Variants in BMPR2 observed in about 807,000 individuals in gnomAD.
BMPR2 encodes the protein bone morphogenetic protein receptor type-2.
A neutral mutation model predicts 100.8 loss-of-function variants in BMPR2; 29 were observed. That is an observed-to-expected ratio of 0.29 (90% CI 0.21 to 0.39). The LOEUF (loss-of-function observed/expected upper bound fraction) is 0.39, where lower values mean the gene tolerates loss of function less well. BMPR2 is among the 10% of genes least tolerant of loss of function. The pLI is 1.00. For synonymous variants in BMPR2, 382 were observed against 442.3 expected, an observed-to-expected ratio of 0.86 and a Z score of 1.71; for missense variants, 1,011 against 1,274.5, an observed-to-expected ratio of 0.79 and a Z score of 3.15.
intron 3 of BMPR2, among the ~76,000 whole-genome samples, chr2:202,492,700 C>CAAA (rs1166246933): frequency 8.0e-4 from 42 of 52,764 alleles, no homozygotes; most frequent in Admixed American, 8.4e-4. Context: ...AGCTCTGTCT[C>CAAA]AAAAAAAAAA....
chr2:202,483,488 G>A (rs896806622), intron 3 of BMPR2, among the ~76,000 whole-genome samples: 3 of 142,224 alleles, frequency 2.1e-5, no homozygotes, highest in South Asian at 2.6e-4. Context: ...CCGCCTACCC[G>A]CCCAGGTTCA....
At chr2:202,505,845 ACTT>A (rs1687510531) in intron 3 of BMPR2, among the ~76,000 whole-genome samples, 1 of 152,240 alleles carries the variant, frequency 6.6e-6, no homozygotes, top group Non-Finnish European at 1.5e-5. Context: ...ATAATAGACT[ACTT>A]ATTTCCTAAC....
At chr2:202,413,853 T>TG (rs1300193102) in intron 1 of BMPR2, among the ~76,000 whole-genome samples, 1 of 152,054 alleles carries the variant, frequency 6.6e-6, no homozygotes, top group African/African-American at 2.4e-5. Flanking sequence ...TTAGTAGAGA[T>TG]GAGGTTTCAC....
chr2:202,542,493 T>C (rs780496678), intron 10 of BMPR2, 46 bp downstream of exon 10: 2 of 1,602,138 alleles, frequency 1.2e-6, no homozygotes, highest in African/African-American at 1.3e-5. Context: ...TGACTGAATA[T>C]GTTTTAATGT....
chr2:202,494,535 C>G (rs561881200), intron 3 of BMPR2, among the ~76,000 whole-genome samples: 8 of 152,182 alleles, frequency 5.3e-5, no homozygotes, highest in Non-Finnish European at 1.2e-4. Context: ...CCTGTCTGTT[C>G]TGCATTCAGG....
rs73052736 is a variant in BMPR2 at position 202,516,453 on chromosome 2, T to C, written c.621+1474T>C. ...TTTTGGGAGGCCAAAGTGGGTGGAT[T>C]GCTTGAGCCCAGGAGTTCAAGACAA... is the stretch of plus-strand genomic sequence containing the variant. On this transcript the variant is annotated intron_variant, in intron 5 of 12. Coordinates refer to ENST00000374580, the MANE Select transcript of BMPR2 (RefSeq NM_001204.7). 6.3e-3 allele frequency among the ~76,000 whole-genome samples: 964 copies of C among 152,306 alleles called. 15 individuals are homozygous for C. Among genetic ancestry groups the C allele is most frequent in the African/African-American group, 0.022 (899 of 41,564 alleles).
Position 202,467,447 on chromosome 2 carries a change from C to T in BMPR2, c.248-72C>T. 5.4e-6 allele frequency: 7 copies of T among 1,297,728 alleles called. No individual in the cohort carries two copies. In the East Asian group the frequency reaches 9.3e-5, roughly 17 times the overall value. The allele number at this position is 1,297,728 out of a possible 1,614,324, so 80.4% of individuals were successfully genotyped here. ...ACTCTCACATTTATTGAAATTACTG[C>T]TTAGTTTGTTGTTTTTCTCTTAGTT... On this transcript the variant is annotated intron_variant, in intron 2 of 12. Coordinates refer to ENST00000374580, the MANE Select transcript of BMPR2 (RefSeq NM_001204.7).
At chr2:202,452,355 A>C (rs565973098) in intron 1 of BMPR2, among the ~76,000 whole-genome samples, 1 of 152,228 alleles carries the variant, frequency 6.6e-6, no homozygotes. Context: ...ACTTATATGG[A>C]TGTATCACAT....
intron 2 of BMPR2, among the ~76,000 whole-genome samples, chr2:202,466,365 C>A (rs1490151209): frequency 1.3e-5 from 2 of 152,052 alleles, no homozygotes; most frequent in Non-Finnish European, 2.9e-5. Context: ...CGGCTCACTG[C>A]AACCTCCGCC....
At chr2:202,514,207 C>T (rs1687674256) in intron 4 of BMPR2, among the ~76,000 whole-genome samples, 1 of 152,128 alleles carries the variant, frequency 6.6e-6, no homozygotes. Context: ...GCGATCTCGG[C>T]TCACTGCAGG....
Position 202,503,455 on chromosome 2 carries a change from C to A in BMPR2, c.419-10264C>A, listed in dbSNP as rs1471155876. Among the ~76,000 whole-genome samples the A allele has an allele frequency of 6.6e-6, 1 of 152,242 alleles. No homozygotes were observed. The highest frequency in any genetic ancestry group is 2.1e-4 in the South Asian group (1 of 4,836). The stretch of plus-strand genomic sequence containing the variant: ...AGCCGGAGTTCCGGTTGGGCATGGG[C>A]TTGGCGGGCCCCGCACTCGGAGCAG... On this transcript the variant is annotated intron_variant, in intron 3 of 12. Coordinates refer to ENST00000374580, the MANE Select transcript of BMPR2 (RefSeq NM_001204.7). The surrounding 1 kb of genome is among the most constrained non-coding windows in gnomAD (Gnocchi z 4.0).
chr2:202,383,672 CAAAA>C (rs568495261), intron 1 of BMPR2, among the ~76,000 whole-genome samples: 5 of 105,314 alleles, frequency 4.7e-5, no homozygotes, highest in Admixed American at 1.0e-4. Context: ...GAAACTCTGT[CAAAA>C]AAAAAAAAAA....
chr2:202,381,572 A>G lies in BMPR2; in HGVS notation c.76+4022A>G, dbSNP rs186173994. Among the ~76,000 whole-genome samples the G allele has an allele frequency of 2.6e-3, 389 of 152,308 alleles. 1 individual carries two copies. Among genetic ancestry groups the G allele is most frequent in the African/African-American group, 9.0e-3 (375 of 41,574 alleles). ...TCAGAAACAAGAGGTATCAAAGTAC[A>G]CTTTGCCTGTGATGAGGCTAATGTA... On this transcript the variant is annotated intron_variant, in intron 1 of 12. Coordinates refer to ENST00000374580, the MANE Select transcript of BMPR2 (RefSeq NM_001204.7).
chr2:202,420,652 T>C (rs1691244579), intron 1 of BMPR2, among the ~76,000 whole-genome samples: 2 of 150,814 alleles, frequency 1.3e-5, no homozygotes. Flanking sequence ...GTTCAAGTGA[T>C]TCTCTTGCCT....
In BMPR2 at chr2:202,556,066, G is replaced by T; in HGVS notation, c.2401G>T (p.Val801Leu). ...TACAATCAATGCAGCAGAACCTCAT[G>T]TGGTGACAGTCACCATGAATGGTGT... ...MNTINAAEPH[V>L]VTVTMNGVAG... The change falls in exon 12 of 13, where the codon GTG becomes TTG. Residue 801 changes from valine (V) to leucine (L), a missense_variant. Val to Leu is a conservative substitution (Grantham distance 32, BLOSUM62 1). Around this residue, in one of 6 missense-constraint regions of BMPR2, gnomAD observed 508 missense variants for 552.0 expected, o/e 0.92. Transcript: ENST00000374580. The T allele has an allele frequency of 6.2e-7, 1 of 1,614,194 alleles. No individual in the cohort carries two copies. Among genetic ancestry groups the T allele is most frequent in the Non-Finnish European group, 8.5e-7 (1 of 1,180,040 alleles).
intron 3 of BMPR2, among the ~76,000 whole-genome samples, chr2:202,501,877 C>G (rs1012748565): frequency 4.9e-4 from 74 of 152,322 alleles, no homozygotes; most frequent in African/African-American, 1.7e-3. Context: ...AAATTATAGT[C>G]CAGACTTAGG....
In BMPR2 at chr2:202,558,340, G is replaced by A. The variant is rs116486327; in HGVS notation, c.2867-1356G>A. On this transcript the variant is annotated intron_variant, in intron 12 of 12. Transcript: ENST00000374580. ...TTGGCCAGGCTGGTCTCGAACACTGGACTTCAGGTGATCCACCCACCTCAG... is the reference window on the plus strand; with the variant it reads ...TTGGCCAGGCTGGTCTCGAACACTGAACTTCAGGTGATCCACCCACCTCAG... Among the ~76,000 whole-genome samples the A allele has an allele frequency of 2.0e-3, 302 of 151,054 alleles. 1 individual carries two copies. The highest frequency in any genetic ancestry group is 6.7e-3 in the African/African-American group (275 of 41,250).
At chr2:202,420,579 T>C (rs1399872967) in intron 1 of BMPR2, among the ~76,000 whole-genome samples, 9 of 137,742 alleles carry the variant, frequency 6.5e-5, no homozygotes. Flanking sequence ...GACAGAGTCT[T>C]GCTGTCGTCC....
intron 1 of BMPR2, among the ~76,000 whole-genome samples, chr2:202,434,900 AAAAAAAAAATATATATAT>A (rs1335439843): frequency 7.0e-5 from 4 of 57,550 alleles, no homozygotes; most frequent in Non-Finnish European, 1.3e-4. Flanking sequence ...AAAAAAAAAA[AAAAAAAAAATATATATAT>A]ATATATATAT....
Sources: allele counts gnomAD v4.1 joint callset (sites outside exome capture counted in the v4.1 genomes callset), GRCh38; gene constraint gnomAD v4.1.1; regional missense constraint gnomAD v4.1.1; non-coding constraint Gnocchi (gnomAD v3.1); transcripts MANE v1.5; gene names NCBI Gene and HGNC (gene_info 2026-07-23, HGNC 2026-07-21).